The following DLGAP1 variants were observed in gnomAD, a reference collection of about 807,000 sequenced individuals.
The protein encoded by DLGAP1 is disks large-associated protein 1.
In DLGAP1, 11 loss-of-function variants were observed where a neutral mutation model predicts 90.8. That is an observed-to-expected ratio of 0.12 (90% confidence interval 0.08 to 0.20). The LOEUF (loss-of-function observed/expected upper bound fraction) is 0.20. Among genes scored for constraint, DLGAP1 ranks in the 10% least tolerant of loss-of-function variants. DLGAP1 has a pLI of 1.00. For synonymous variants in DLGAP1, 558 were observed against 540.7 expected, an observed-to-expected ratio of 1.03 and a Z score of -0.44; for missense variants, 1,050 against 1,333.8, an observed-to-expected ratio of 0.79 and a Z score of 3.31.
intron 10 of DLGAP1, among the ~76,000 whole-genome samples, chr18:3,533,670 ACTC>A (rs1469646336): frequency 6.6e-6 from 1 of 152,030 alleles, no homozygotes; most frequent in Non-Finnish European, 1.5e-5. Context: ...TAACCCCTGG[ACTC>A]AAGTGATCCT....
intron 4 of DLGAP1, chr18:3,874,496 A>T: frequency 6.9e-7 from 1 of 1,444,584 alleles, no homozygotes; most frequent in Non-Finnish European, 9.0e-7. Flanking sequence ...ATAAAGAGGC[A>T]TAAACAGAAC....
At chr18:3,676,263 G>GC (rs1310192374) in intron 7 of DLGAP1, among the ~76,000 whole-genome samples, 1 of 152,158 alleles carries the variant, frequency 6.6e-6, no homozygotes, top group Admixed American at 6.5e-5. Flanking sequence ...TTCCCTGCTC[G>GC]CTATGTAAAT....
intron 2 of DLGAP1, among the ~76,000 whole-genome samples, chr18:4,055,648 G>A (rs1334434843): frequency 6.6e-6 from 1 of 152,024 alleles, no homozygotes; most frequent in African/African-American, 2.4e-5. Context: ...CAAGTCCCAG[G>A]GTCACGACTA....
At chr18:3,528,237 C>T (rs2051775092) in intron 10 of DLGAP1, among the ~76,000 whole-genome samples, 2 of 152,112 alleles carry the variant, frequency 1.3e-5, no homozygotes, top group African/African-American at 2.4e-5. Context: ...ACCCATTTAT[C>T]GAAGCTATTT....
intron 3 of DLGAP1, among the ~76,000 whole-genome samples, chr18:3,889,482 G>A (rs2071405304): frequency 2.0e-5 from 3 of 151,922 alleles, no homozygotes; most frequent in Admixed American, 1.3e-4. Context: ...TTTAAAAGCT[G>A]TTGCTCTTCT....
rs138586037 is a variant in DLGAP1 at position 3,843,593 on chromosome 18, C to T, written c.958-29320G>A. On this transcript the variant is annotated intron_variant, in intron 4 of 12. Transcript: ENST00000315677. ...AGAATTAAATAAGCATAACAGTGCA[C>T]GGGGCAGCCCAGCATGCTCTGGAGC... Among the ~76,000 whole-genome samples, 479 of 152,068 alleles carry T rather than the reference C, an allele frequency of 3.1e-3. 3 individuals carry two copies. The highest frequency in any genetic ancestry group is 9.9e-3 in the African/African-American group (412 of 41,492).
intron 3 of DLGAP1, among the ~76,000 whole-genome samples, chr18:3,987,603 A>G (rs2073869140): frequency 6.6e-6 from 1 of 152,158 alleles, no homozygotes; most frequent in Non-Finnish European, 1.5e-5. Context: ...AAAGTCTAAA[A>G]AGTGTATGTT....
At chr18:4,446,615 A>G (rs1471051493) in intron 1 of DLGAP1, among the ~76,000 whole-genome samples, 1 of 152,212 alleles carries the variant, frequency 6.6e-6, no homozygotes. Flanking sequence ...CTAAATAATA[A>G]TATCTTTGTC....
In DLGAP1 at chr18:3,496,232, A is replaced by T. The variant is rs1395572369; in HGVS notation, c.*2953T>A. On this transcript the variant is annotated 3_prime_UTR_variant, in exon 13 of 13. Coordinates refer to ENST00000315677, the MANE Select transcript of DLGAP1 (RefSeq NM_004746.4). ...TTTTTTCCAAACCAAAATAATTTTT[A>T]AAAATTACATTTGGGAATTCAGATA... 2 of 152,196 alleles carry T rather than the reference A, an allele frequency of 1.3e-5. No homozygotes were observed. The highest frequency in any genetic ancestry group is 2.9e-5 in the Non-Finnish European group (2 of 68,024). The allele number at this position is 152,196 out of a possible 1,614,324, so 9.4% of individuals were successfully genotyped here. A position where few individuals can be genotyped will look rare whatever the true frequency, so the allele number is the denominator to read the frequency against.
At chr18:3,781,351 ATTTT>A (rs34073983) in intron 5 of DLGAP1, among the ~76,000 whole-genome samples, 1 of 140,262 alleles carries the variant, frequency 7.1e-6, no homozygotes, top group Non-Finnish European at 1.6e-5. Flanking sequence ...GCAGCTTTCA[ATTTT>A]TTTTTTTTTT....
At chr18:4,317,665 A>G (rs554789871) in intron 1 of DLGAP1, among the ~76,000 whole-genome samples, 41 of 152,302 alleles carry the variant, frequency 2.7e-4, no homozygotes, top group African/African-American at 9.4e-4. Flanking sequence ...CTATTTAAGT[A>G]TCTCTTTTGT....
At chr18:3,850,516 C>A (rs1397860266) in intron 4 of DLGAP1, among the ~76,000 whole-genome samples, 1 of 152,158 alleles carries the variant, frequency 6.6e-6, no homozygotes, top group African/African-American at 2.4e-5. Flanking sequence ...AAATATTAAG[C>A]TCGAATTTTT....
intron 8 of DLGAP1, among the ~76,000 whole-genome samples, chr18:3,572,233 T>C (rs2054848889): frequency 6.6e-6 from 1 of 151,980 alleles, no homozygotes; most frequent in Admixed American, 6.6e-5. Flanking sequence ...AAGGTGGACA[T>C]GTATATTATC....
intron 7 of DLGAP1, among the ~76,000 whole-genome samples, chr18:3,619,298 T>A (rs1034079116): frequency 6.6e-6 from 1 of 152,144 alleles, no homozygotes; most frequent in African/African-American, 2.4e-5. Flanking sequence ...AAGCAGAAAT[T>A]TCAACATGCA....
intron 1 of DLGAP1, among the ~76,000 whole-genome samples, chr18:4,152,326 T>C (rs1355159276): frequency 6.6e-6 from 1 of 152,160 alleles, no homozygotes; most frequent in African/African-American, 2.4e-5. Flanking sequence ...AGAATATAAT[T>C]TGTATTTTTT....
At chr18:3,608,819 C>G (rs1465971966) in intron 7 of DLGAP1, among the ~76,000 whole-genome samples, 1 of 152,110 alleles carries the variant, frequency 6.6e-6, no homozygotes, top group Non-Finnish European at 1.5e-5. Flanking sequence ...TAGTTGAAAT[C>G]TGAAATACTC....
At chr18:4,087,055 A>ATG (rs2075693841) in intron 2 of DLGAP1, among the ~76,000 whole-genome samples, 1 of 91,266 alleles carries the variant, frequency 1.1e-5, no homozygotes, top group Non-Finnish European at 2.5e-5. Flanking sequence ...AAACACATAT[A>ATG]TATATACACA....
chr18:3,928,989 A>C (rs1599173096), intron 3 of DLGAP1, among the ~76,000 whole-genome samples: 1 of 152,052 alleles, frequency 6.6e-6, no homozygotes, highest in East Asian at 1.9e-4. Flanking sequence ...TGATTGTTTC[A>C]AAGGAACCCT....
intron 1 of DLGAP1, among the ~76,000 whole-genome samples, chr18:4,419,775 T>C (rs2082987201): frequency 6.6e-6 from 1 of 151,824 alleles, no homozygotes; most frequent in Non-Finnish European, 1.5e-5. Context: ...ATTAACAAAA[T>C]TGAGTAAATA....
Sources: gnomAD v4.1 joint callset for allele counts (sites outside exome capture counted in the v4.1 genomes callset) on GRCh38, gnomAD v4.1.1 for gene constraint, MANE v1.5 for transcripts, NCBI Gene and HGNC (gene_info 2026-07-23, HGNC 2026-07-21) for gene names.